The following STAU2 variants were observed in gnomAD, a reference collection of about 807,000 sequenced individuals.
The protein encoded by STAU2 is staufen double-stranded RNA binding protein 2.
In STAU2, 20 loss-of-function variants were observed where a neutral mutation model predicts 65.9. The ratio of observed to expected loss-of-function variants is 0.30; its 90% confidence interval spans 0.21 to 0.44. The LOEUF is 0.44. Among genes scored for constraint, STAU2 ranks in the 20% least tolerant of loss-of-function variants. The pLI is 1.00. For missense variants in STAU2, 558 were observed against 683.9 expected (o/e 0.82, Z 2.05); for synonymous variants, 232 against 233.9 (o/e 0.99, Z 0.07).
At chr8:73,679,836 C>G (rs1818279251) in intron 5 of STAU2, among the ~76,000 whole-genome samples, 1 of 150,568 alleles carries the variant, frequency 6.6e-6, no homozygotes, top group Non-Finnish European at 1.5e-5. Context: ...TGCAGTAAGC[C>G]AAGATCAACG....
At chr8:73,585,035 A>C (rs1188359580) in intron 11 of STAU2, among the ~76,000 whole-genome samples, 1 of 152,228 alleles carries the variant, frequency 6.6e-6, no homozygotes, top group African/African-American at 2.4e-5. Flanking sequence ...TAGAGAAATA[A>C]TTACGTTTCC....
At chr8:73,688,409 A>C (rs955047311) in intron 5 of STAU2, among the ~76,000 whole-genome samples, 2 of 150,396 alleles carry the variant, frequency 1.3e-5, no homozygotes, top group Non-Finnish European at 1.5e-5. Context: ...AACATGATCC[A>C]CCCGCCTCGG....
At chr8:73,623,239 C>G (rs182346270) in intron 6 of STAU2, among the ~76,000 whole-genome samples, 1 of 152,286 alleles carries the variant, frequency 6.6e-6, no homozygotes, top group East Asian at 1.9e-4. Context: ...TTTATGGACT[C>G]ATTTTGTATT....
intron 11 of STAU2, among the ~76,000 whole-genome samples, chr8:73,583,362 T>G (rs1810132600): frequency 6.6e-6 from 1 of 152,066 alleles, no homozygotes; most frequent in Admixed American, 6.5e-5. Context: ...GCCAGGCTGG[T>G]CTCAAACTAC....
At chr8:73,576,796 A>G (rs1054513127) in intron 12 of STAU2, among the ~76,000 whole-genome samples, 86 of 152,318 alleles carry the variant, frequency 5.6e-4, no homozygotes, top group African/African-American at 2.0e-3. Flanking sequence ...AGTAATTAGG[A>G]GCATTACCTT....
At chr8:73,449,303 T>C (rs1045008536) in intron 13 of STAU2, among the ~76,000 whole-genome samples, 23 of 152,226 alleles carry the variant, frequency 1.5e-4, no homozygotes, top group Non-Finnish European at 4.4e-5. Flanking sequence ...CTCCTTGGCC[T>C]GCAGGTGGCG....
At chr8:73,650,911 G>A (rs1815813969) in intron 6 of STAU2, among the ~76,000 whole-genome samples, 1 of 152,214 alleles carries the variant, frequency 6.6e-6, no homozygotes, top group Non-Finnish European at 1.5e-5. Flanking sequence ...CTAAATGGGA[G>A]AATAGAAGTA....
chr8:73,661,520 T>C (rs1046436168), intron 6 of STAU2, among the ~76,000 whole-genome samples: 1 of 152,210 alleles, frequency 6.6e-6, no homozygotes, highest in Non-Finnish European at 1.5e-5. Context: ...AATTTTGACA[T>C]ACACTCATAT....
chr8:73,680,333 A>G (rs1474970393), intron 5 of STAU2, among the ~76,000 whole-genome samples: 1 of 152,106 alleles, frequency 6.6e-6, no homozygotes, highest in Non-Finnish European at 1.5e-5. Context: ...CCTGGAGTCC[A>G]GTAGCTCCAC....
chr8:73,689,864 TCAA>T (rs764180773), intron 4 of STAU2, among the ~76,000 whole-genome samples: 2 of 152,040 alleles, frequency 1.3e-5, no homozygotes, highest in Non-Finnish European at 2.9e-5. Context: ...GAAGTATATA[TCAA>T]CAACCATGTA....
At chr8:73,659,555 A>G (rs1305319507) in intron 6 of STAU2, among the ~76,000 whole-genome samples, 1 of 152,188 alleles carries the variant, frequency 6.6e-6, no homozygotes, top group Non-Finnish European at 1.5e-5. Context: ...GAAGAGCTTC[A>G]TAATTTAAAC....
At chr8:73,540,415 C>T (rs555103827) in intron 13 of STAU2, among the ~76,000 whole-genome samples, 1 of 152,308 alleles carries the variant, frequency 6.6e-6, no homozygotes, top group Admixed American at 6.5e-5. Context: ...AAGGAACCAA[C>T]CCTGCTGACA....
At chr8:73,490,013 C>T (rs1219129254) in intron 13 of STAU2, among the ~76,000 whole-genome samples, 1 of 151,986 alleles carries the variant, frequency 6.6e-6, no homozygotes, top group Non-Finnish European at 1.5e-5. Flanking sequence ...AAAATTCCAC[C>T]TACTTTTACT....
chr8:73,560,035 A>C (rs1387806731), intron 12 of STAU2, among the ~76,000 whole-genome samples: 1 of 152,034 alleles, frequency 6.6e-6, no homozygotes, highest in Non-Finnish European at 1.5e-5. Flanking sequence ...CACCTTGGAA[A>C]CGAAAAAGAC....
chr8:73,633,676 G>A (rs1814268211), intron 6 of STAU2, among the ~76,000 whole-genome samples: 1 of 152,086 alleles, frequency 6.6e-6, no homozygotes, highest in Admixed American at 6.6e-5. Flanking sequence ...CTGAGGACAA[G>A]TCAGTAAGAA....
intron 6 of STAU2, among the ~76,000 whole-genome samples, chr8:73,635,952 C>CTA (rs1586165974): frequency 1.2e-5 from 1 of 80,176 alleles, no homozygotes; most frequent in East Asian, 5.2e-4. Context: ...ACACACACAC[C>CTA]CCTGGAACCA....
intron 9 of STAU2, among the ~76,000 whole-genome samples, chr8:73,606,648 G>A (rs1357426587): frequency 6.6e-6 from 1 of 152,190 alleles, no homozygotes; most frequent in Non-Finnish European, 1.5e-5. Flanking sequence ...GAATGTAAAA[G>A]TGCACAGCTG....
chr8:73,574,470 A>G (rs1158882590), intron 12 of STAU2, among the ~76,000 whole-genome samples: 1 of 152,190 alleles, frequency 6.6e-6, no homozygotes, highest in Non-Finnish European at 1.5e-5. Context: ...TGCTTATTGC[A>G]GCACTATTCA....
At chr8:73,654,927 T>C (rs891290589) in intron 6 of STAU2, among the ~76,000 whole-genome samples, 1 of 152,034 alleles carries the variant, frequency 6.6e-6, no homozygotes, top group Non-Finnish European at 1.5e-5. Context: ...CCTCGTGATC[T>C]GCCCGTCTCG....
Sources: gnomAD v4.1 joint callset for allele counts (sites outside exome capture counted in the v4.1 genomes callset) on GRCh38, gnomAD v4.1.1 for gene constraint, MANE v1.5 for transcripts, NCBI Gene and HGNC (gene_info 2026-07-23, HGNC 2026-07-21) for gene names.